The following PTBP3 variants were observed in gnomAD, a reference collection of about 807,000 sequenced individuals.
PTBP3 encodes polypyrimidine tract binding protein 3.
PTBP3 carries 20 observed loss-of-function variants against 58.7 expected under a neutral mutation model. That is an observed-to-expected ratio of 0.34 (90% CI 0.24 to 0.50). The LOEUF (loss-of-function observed/expected upper bound fraction) is 0.50, where lower values mean the gene tolerates loss of function less well. Ranked by LOEUF, PTBP3 falls within the 20% of genes least tolerant of loss-of-function variation. PTBP3 has a pLI of 0.98. For missense variants in PTBP3, 509 were observed against 637.2 expected (o/e 0.80, Z 2.17); for synonymous variants, 185 against 219.8 (o/e 0.84, Z 1.40).
chr9:112,275,789 G>T, intron 3 of PTBP3, 55 bp downstream of exon 3: 2 of 1,399,678 alleles, frequency 1.4e-6, no homozygotes, highest in Non-Finnish European at 2.0e-6. Flanking sequence ...AAAATTATCA[G>T]TAATACTAAC....
At chr9:112,361,601 G>T in the PTBP3 span, among the ~76,000 whole-genome samples, 12 of 151,754 alleles carry the variant, frequency 7.9e-5, no homozygotes, top group Non-Finnish European at 1.6e-4. Flanking sequence ...TGTTATTTTT[G>T]CCTTAACCCA....
At position 112,320,291 on chromosome 9, in the gene PTBP3, A is replaced by AAAAAATATATAT. The variant is rs1411646280; in HGVS notation, c.-52+13178_-52+13179insATATATATTTTT. On this transcript the variant is annotated intron_variant, in intron 1 of 13. Transcript: ENST00000374257. ...AGACCCTTTCTCTTAAAAAAAAAAA[A>AAAAAATATATAT]ATATATATATATATATATATATATT... Among the ~76,000 whole-genome samples the AAAAAATATATAT allele has an allele frequency of 6.8e-5, 5 of 73,534 alleles. No homozygotes were observed. In the East Asian group the frequency reaches 9.5e-4, roughly 14 times the overall value. The allele number at this position is 73,534 out of a possible 152,430, so 48.2% of individuals were successfully genotyped here.
intron 2 of PTBP3, among the ~76,000 whole-genome samples, chr9:112,290,608 G>C (rs1828352036): frequency 6.7e-6 from 1 of 150,214 alleles, no homozygotes; most frequent in African/African-American, 2.5e-5. Context: ...GGAGGCGGAG[G>C]TTGCAGTGAG....
Position 112,276,023 on chromosome 9 carries a change from A to G in PTBP3, c.35-10T>C, listed in dbSNP as rs752764278. 1.7e-5 allele frequency: 27 copies of G among 1,605,960 alleles called. No individual in the cohort carries two copies. Among genetic ancestry groups the G allele is most frequent in the African/African-American group, 4.0e-5 (3 of 74,562 alleles). On this transcript the variant is annotated splice_polypyrimidine_tract_variant and intron_variant, in intron 2 of 13. Transcript: ENST00000374257. ...CTGTCATTCCCATTAGCTAAAAAACATAAGATTCTTTTTTAAATTACTGCA... is the reference window on the plus strand; with the variant it reads ...CTGTCATTCCCATTAGCTAAAAAACGTAAGATTCTTTTTTAAATTACTGCA...
intron 8 of PTBP3, among the ~76,000 whole-genome samples, chr9:112,233,272 GGTGTGTGTGTGTGTGTGTGT>G (rs72086685): frequency 2.1e-4 from 30 of 144,302 alleles, no homozygotes; most frequent in African/African-American, 3.1e-4. Context: ...TACACTGTAG[GGTGTGTGTGTGTGTGTGTGT>G]GTGTGTGTGT....
chr9:112,220,142 G>T lies in PTBP3; in HGVS notation c.*3709C>A. ...GCAGTACACATTAGGTTTTCTAAGG[G>T]ATAGGTGGGGAAAAACACATGTACT... is the stretch of plus-strand genomic sequence containing the variant. On this transcript the variant is annotated 3_prime_UTR_variant, in exon 14 of 14. Transcript: ENST00000374257. 1 of 1,303,228 alleles carries T rather than the reference G, an allele frequency of 7.7e-7. No individual in the cohort carries two copies. The highest frequency in any genetic ancestry group is 1.0e-6 in the Non-Finnish European group (1 of 996,168). 80.7% of individuals were successfully genotyped at this position (1,303,228 alleles called of 1,614,324 possible).
rs1325998876 is a variant in PTBP3 at position 112,252,769 on chromosome 9, G to A, written c.536C>T (p.Thr179Ile). 1 of 1,606,430 alleles carries A rather than the reference G, an allele frequency of 6.2e-7. No homozygotes were observed. The highest frequency in any genetic ancestry group is 8.5e-7 in the Non-Finnish European group (1 of 1,174,552). Reference protein sequence around the residue: ...VLHQIFSKFGTVLKIITFTKN... With the variant: ...VLHQIFSKFGIVLKIITFTKN... ...TGTAAAGGTGATAATCTTCAAGACT[G>A]TGCCAAATTTAGAAAATATCTGGAA... Residue 179 changes from threonine to isoleucine, a missense_variant, in exon 6 of 14, where the codon ACA becomes ATA. This residue lies in a region of PTBP3 where 212 missense variants were observed against 215.3 expected (regional missense o/e 0.98). Transcript: ENST00000374257.
intron 10 of PTBP3, 23 bp downstream of exon 10, chr9:112,231,357 T>G: frequency 6.4e-7 from 1 of 1,561,640 alleles, no homozygotes; most frequent in Non-Finnish European, 8.8e-7. Flanking sequence ...TAGACAATAA[T>G]AAAATAGCAA....
intron 12 of PTBP3, among the ~76,000 whole-genome samples, chr9:112,225,299 C>T (rs1048435201): frequency 2.6e-4 from 38 of 148,218 alleles, no homozygotes; most frequent in African/African-American, 9.8e-4. Flanking sequence ...AATTTTTTAA[C>T]CTAAGTCTCA....
chr9:112,348,157 G>A, the PTBP3 span, among the ~76,000 whole-genome samples: 3 of 152,220 alleles, frequency 2.0e-5, no homozygotes, highest in African/African-American at 4.8e-5. Context: ...TGCTAGTACT[G>A]TTAGAGTAGG....
rs1181136467 is a variant in PTBP3, at chr9:112,261,131, GA to G, written c.516+1303del. On this transcript the variant is annotated intron_variant, in intron 5 of 13. Transcript: ENST00000374257. ...ATGCCACTTTCCGGGATAAACAGAA[GA>G]GAAGAAAATCCACAAGAACAATGAA... is the stretch of plus-strand genomic sequence containing the variant. Among the ~76,000 whole-genome samples the G allele has an allele frequency of 2.4e-4, 37 of 152,202 alleles. 1 individual carries two copies. Among genetic ancestry groups the G allele is most frequent in the African/African-American group, 8.4e-4 (35 of 41,452 alleles).
At chr9:112,270,987 C>G (rs928376885) in intron 3 of PTBP3, among the ~76,000 whole-genome samples, 2 of 152,042 alleles carry the variant, frequency 1.3e-5, no homozygotes, top group South Asian at 4.2e-4. Flanking sequence ...CCACCACACC[C>G]GGCTTATTTT....
At chr9:112,358,993 C>T in the PTBP3 span, among the ~76,000 whole-genome samples, 1 of 152,088 alleles carries the variant, frequency 6.6e-6, no homozygotes, top group East Asian at 1.9e-4. Context: ...TGCCACTATG[C>T]CTAGCTAAAA....
At chr9:112,367,442 TTTTTG>T in the PTBP3 span, among the ~76,000 whole-genome samples, 2 of 152,168 alleles carry the variant, frequency 1.3e-5, no homozygotes, top group South Asian at 2.1e-4. Context: ...GTTTTGGGTT[TTTTTG>T]TTTTGTTTTG....
chr9:112,313,777 C>A (rs905135280), intron 1 of PTBP3, among the ~76,000 whole-genome samples: 28 of 152,178 alleles, frequency 1.8e-4, no homozygotes, highest in African/African-American at 6.3e-4. Flanking sequence ...TCCACCATCT[C>A]GCCATTTGTT....
the PTBP3 span, among the ~76,000 whole-genome samples, chr9:112,369,887 G>A: frequency 6.6e-6 from 1 of 152,050 alleles, no homozygotes; most frequent in Non-Finnish European, 1.5e-5. Context: ...TGAATCATAG[G>A]GGCCAGTTTT....
At position 112,256,292 on chromosome 9, in the gene PTBP3, T is replaced by TAC. The variant is rs1245876151; in HGVS notation, c.517-3506_517-3505dup. ...AACAAAATATATATATATATATATA[T>TAC]ACATATATATATATATATTTATCTA... On this transcript the variant is annotated intron_variant, in intron 5 of 13. Transcript: ENST00000374257. Among the ~76,000 whole-genome samples the TAC allele has an allele frequency of 1.3e-4, 4 of 30,706 alleles. No homozygotes were observed. In the East Asian group the frequency reaches 2.0e-3, roughly 15 times the overall value. The allele number at this position is 30,706 out of a possible 152,430, so 20.1% of individuals were successfully genotyped here.
intron 7 of PTBP3, among the ~76,000 whole-genome samples, chr9:112,248,528 G>C (rs940452456): frequency 7.2e-5 from 11 of 151,844 alleles, no homozygotes; most frequent in Non-Finnish European, 2.9e-5. Context: ...ATGTATGAGA[G>C]GATAAATAAT....
intron 8 of PTBP3, among the ~76,000 whole-genome samples, chr9:112,233,272 GGTGTGT>G (rs72086685): frequency 0.04 from 5,771 of 144,322 alleles, 105 homozygotes; most frequent in East Asian, 0.063. Flanking sequence ...TACACTGTAG[GGTGTGT>G]GTGTGTGTGT....
Sources: gnomAD v4.1 joint callset for allele counts (sites outside exome capture counted in the v4.1 genomes callset) on GRCh38, gnomAD v4.1.1 for gene constraint, gnomAD v4.1.1 regional missense constraint, MANE v1.5 for transcripts, NCBI Gene and HGNC (gene_info 2026-07-23, HGNC 2026-07-21) for gene names.